The following FKBP15 variants were observed in gnomAD, a reference collection of about 807,000 sequenced individuals.
The protein encoded by FKBP15 is FK506-binding protein 15.
In FKBP15, 106 loss-of-function variants were observed where a neutral mutation model predicts 158.1. The observed-to-expected ratio is 0.67, with a 90% CI of 0.57 to 0.79. The LOEUF (loss-of-function observed/expected upper bound fraction) is 0.79. Among genes scored for constraint, FKBP15 ranks in the 30% least tolerant of loss-of-function variants. The pLI, the probability that FKBP15 is intolerant of heterozygous loss-of-function variation, is 0.00. For synonymous variants in FKBP15, 547 were observed against 548.6 expected, an observed-to-expected ratio of 1.00 and a Z score of 0.04; for missense variants, 1,287 against 1,479.1, an observed-to-expected ratio of 0.87 and a Z score of 2.13.
At chr9:113,179,598 T>C (rs1830357195) in intron 19 of FKBP15, among the ~76,000 whole-genome samples, 1 of 151,388 alleles carries the variant, frequency 6.6e-6, no homozygotes, top group South Asian at 2.1e-4. Flanking sequence ...GAGGCAGAGG[T>C]TGCAGTGAGC....
chr9:113,183,893 G>A (rs1421752409), intron 17 of FKBP15, 48 bp from the exon 18 acceptor site: 26 of 1,402,978 alleles, frequency 1.9e-5, no homozygotes, highest in East Asian at 2.3e-5. Context: ...TGGGAGAAAA[G>A]TGCCAGATAG....
In FKBP15 at chr9:113,211,558, C is replaced by T; in HGVS notation, c.88G>A (p.Ala30Thr). 1 of 1,606,070 alleles carries T rather than the reference C, an allele frequency of 6.2e-7. No individual in the cohort carries two copies. The highest frequency in any genetic ancestry group is 8.5e-7 in the Non-Finnish European group (1 of 1,176,192). Residue 30 changes from alanine to threonine, a missense_variant, in exon 2 of 28, where the codon GCA becomes ACA. Transcript: ENST00000238256. ...RLASLFGLDQ[A>T]AAGHGNEFFQ... is the part of the protein sequence containing the mutation. ...AATTCATTTCCATGGCCAGCAGCTG[C>T]CTGATCCAGTCCAAAAAGTGAGGCC...
chr9:113,211,487 C>T lies in FKBP15; in HGVS notation c.159G>A (p.Thr53=), dbSNP rs772702348. 17 of 1,606,698 alleles carry T rather than the reference C, an allele frequency of 1.1e-5. No individual in the cohort carries two copies. In the South Asian group the frequency reaches 1.2e-4, roughly 12 times the overall value. ...APKQPKKGQG[T]AATGNQATPK... ...ACACTCTTAACTTACCTGTTGCTGCCGTTCCCTGGCCTTTCTTAGGCTGTT... is the reference window on the plus strand; with the variant it reads ...ACACTCTTAACTTACCTGTTGCTGCTGTTCCCTGGCCTTTCTTAGGCTGTT... The change falls in exon 2 of 28, where the codon ACG becomes ACA. Residue 53 remains threonine, a synonymous_variant. Coordinates refer to ENST00000238256, the MANE Select transcript of FKBP15 (RefSeq NM_015258.2).
At chr9:113,173,674 A>C in intron 22 of FKBP15, 69 bp from the exon 23 acceptor site, 1 of 1,515,676 alleles carries the variant, frequency 6.6e-7, no homozygotes, top group Non-Finnish European at 9.0e-7. Flanking sequence ...GCACCTAGGG[A>C]AACCCATCTT....
At chr9:113,181,043 T>C (rs575355514) in intron 19 of FKBP15, among the ~76,000 whole-genome samples, 6 of 152,282 alleles carry the variant, frequency 3.9e-5, no homozygotes, top group South Asian at 4.1e-4. Context: ...AAAAGTTTCA[T>C]TGAAATAAAG....
Position 113,190,483 on chromosome 9 carries a change from A to C in FKBP15, c.1161T>G (p.Asp387Glu). Reference sequence around the variant, plus strand: ...CAGGGGGACATACTTCGATTTCTGAATCATTGGAATCCAGCTGTGGTGGAA... The same window carrying C: ...CAGGGGGACATACTTCGATTTCTGACTCATTGGAATCCAGCTGTGGTGGAA... ...PILPPQLDSN[D>E]SEIEDVNTLQ... Residue 387 changes from aspartate to glutamate, a missense_variant, in exon 12 of 28, where the codon GAT (aspartate) becomes GAG (glutamate). Asp to Glu is a conservative substitution (Grantham distance 45). Coordinates refer to ENST00000238256, the MANE Select transcript of FKBP15 (RefSeq NM_015258.2). 1 of 1,610,178 alleles carries C rather than the reference A, an allele frequency of 6.2e-7. No individual in the cohort carries two copies. Among genetic ancestry groups the C allele is most frequent in the South Asian group, 1.1e-5 (1 of 90,112 alleles).
chr9:113,207,348 A>G lies in FKBP15; in HGVS notation c.170-52T>C. 6 of 1,393,626 alleles carry G rather than the reference A, an allele frequency of 4.3e-6. No homozygotes were observed. In the Admixed American group the frequency reaches 8.8e-5, roughly 20 times the overall value. 86.3% of individuals were successfully genotyped at this position (1,393,626 alleles called of 1,614,324 possible). ...GTCATTCACTTCTTGCTTTAAACTA[A>G]TTTTTTTTAAAGACGGAGTTTCACT... is the stretch of plus-strand genomic sequence containing the variant. On this transcript the variant is annotated intron_variant, in intron 2 of 27. Transcript: ENST00000238256.
rs1049476653 is a variant in FKBP15 at position 113,202,575 on chromosome 9, T to C, written c.454A>G (p.Ile152Val). 1 of 1,585,292 alleles carries C rather than the reference T, an allele frequency of 6.3e-7. No individual in the cohort carries two copies. The highest frequency in any genetic ancestry group is 2.3e-5 in the East Asian group (1 of 43,964). ...FYDDQRQNWS[I>V]MFESEKAAVE... ...GCAGCCTTTTCCGACTCAAACATGA[T>C]GGACCAGTTCTGTCTCTGGTCATCA... The change falls in exon 6 of 28, where the codon ATC (isoleucine) becomes GTC (valine). Residue 152 changes from isoleucine to valine, a missense_variant. Physicochemically the swap from Ile to Val is conservative, Grantham distance 29. Coordinates refer to ENST00000238256, the MANE Select transcript of FKBP15 (RefSeq NM_015258.2).
At chr9:113,175,857 G>A (rs578081441) in intron 21 of FKBP15, among the ~76,000 whole-genome samples, 4 of 152,176 alleles carry the variant, frequency 2.6e-5, no homozygotes, top group Non-Finnish European at 5.9e-5. Flanking sequence ...ATTAGAAAAA[G>A]TGATATATGT....
Position 113,206,486 on chromosome 9 carries a change from A to G in FKBP15, c.324+23T>C, listed in dbSNP as rs777585060. ...TATTATTTGGGACATCTGAATATAC[A>G]TGAGATGTGGGAGCACTCTCACCTC... On this transcript the variant is annotated intron_variant, in intron 4 of 27. Transcript: ENST00000238256. The G allele has an allele frequency of 3.1e-6, 5 of 1,599,138 alleles. No homozygotes were observed. In the African/African-American group the frequency reaches 4.0e-5, roughly 13 times the overall value.
chr9:113,173,422 C>T (rs1333075365), intron 23 of FKBP15, 31 bp downstream of exon 23: 1 of 1,604,576 alleles, frequency 6.2e-7, no homozygotes, highest in South Asian at 1.1e-5. Context: ...ACTGGGCTGC[C>T]TAAACTGTCT....
chr9:113,191,027 T>TGACTTGGCATTAACTAC (rs1392955494), intron 11 of FKBP15, among the ~76,000 whole-genome samples: 2 of 152,214 alleles, frequency 1.3e-5, no homozygotes, highest in South Asian at 4.1e-4. Flanking sequence ...CACTTAACTA[T>TGACTTGGCATTAACTAC]GACTTGGCAT....
rs1235660249 is a variant in FKBP15 at position 113,163,475 on chromosome 9, T to C, written c.*2603A>G. The stretch of plus-strand genomic sequence containing the variant: ...ATCATGTTGACAAACTAAGTTTTTT[T>C]TATTTTTCCCATTGAACTCCTAGTT... On this transcript the variant is annotated 3_prime_UTR_variant, in exon 28 of 28. Coordinates refer to ENST00000238256, the MANE Select transcript of FKBP15 (RefSeq NM_015258.2). 6.6e-6 allele frequency: 1 copy of C among 152,662 alleles called. No homozygotes were observed. The highest frequency in any genetic ancestry group is 2.4e-5 in the African/African-American group (1 of 41,468). The allele number at this position is 152,662 out of a possible 1,614,324, so 9.5% of individuals were successfully genotyped here.
At chr9:113,195,466 T>G (rs1830657932) in intron 9 of FKBP15, among the ~76,000 whole-genome samples, 2 of 152,244 alleles carry the variant, frequency 1.3e-5, no homozygotes, top group Admixed American at 1.3e-4. Context: ...AAAGGAAAAT[T>G]GACAGAGAAT....
At chr9:113,207,706 T>C (rs967396249) in intron 2 of FKBP15, among the ~76,000 whole-genome samples, 4 of 152,226 alleles carry the variant, frequency 2.6e-5, no homozygotes, top group Non-Finnish European at 4.4e-5. Flanking sequence ...AGTGTTGTAA[T>C]GCTTTTATGA....
intron 11 of FKBP15, among the ~76,000 whole-genome samples, 184 bp from the exon 12 acceptor site, chr9:113,190,762 T>C (rs1830561088): frequency 6.6e-6 from 1 of 152,240 alleles, no homozygotes; most frequent in Non-Finnish European, 1.5e-5. Context: ...TCACAATTAA[T>C]AGCAGTAAAA....
At chr9:113,215,642 A>ATTTTTTT (rs1564192881) in intron 1 of FKBP15, among the ~76,000 whole-genome samples, 3 of 82,566 alleles carry the variant, frequency 3.6e-5, no homozygotes, top group Admixed American at 1.4e-4. Flanking sequence ...ATATATATAT[A>ATTTTTTT]TATTTTTTTT....
At chr9:113,194,432 A>C (rs918030287) in intron 9 of FKBP15, among the ~76,000 whole-genome samples, 3 of 140,220 alleles carry the variant, frequency 2.1e-5, no homozygotes, top group Non-Finnish European at 3.1e-5. Flanking sequence ...AAAATAAATA[A>C]ATAAATAATA....
In FKBP15 at chr9:113,169,933, G is replaced by A. The variant is rs1564149130; in HGVS notation, c.2776C>T (p.Leu926Phe). Reference protein sequence around the residue: ...TIMNTIKMVTLQLLNQQEQEK... With the variant: ...TIMNTIKMVTFQLLNQQEQEK... ...TGCTCCTGTTGGTTTAACAGCTGAA[G>A]AGTCACCATCTATTCAAAAGCCAAG... The change falls in exon 26 of 28, where the codon CTT becomes TTT. Residue 926 changes from leucine (L) to phenylalanine (F), a missense_variant. Coordinates refer to ENST00000238256, the MANE Select transcript of FKBP15 (RefSeq NM_015258.2). The A allele has an allele frequency of 3.2e-6, 5 of 1,542,080 alleles. No individual in the cohort carries two copies. In the East Asian group the frequency reaches 9.8e-5, roughly 30 times the overall value.
Sources: gnomAD v4.1 joint callset for allele counts (sites outside exome capture counted in the v4.1 genomes callset) on GRCh38, gnomAD v4.1.1 for gene constraint, MANE v1.5 for transcripts, NCBI Gene and HGNC (gene_info 2026-07-23, HGNC 2026-07-21) for gene names.